The following MAK variants were observed in gnomAD, a reference collection of about 807,000 sequenced individuals.
The protein encoded by MAK is male germ cell associated kinase, also known as serine/threonine-protein kinase MAK.
MAK carries 65 observed loss-of-function variants against 82.6 expected under a neutral mutation model. That is an observed-to-expected ratio of 0.79 (90% CI 0.64 to 0.97). MAK has a LOEUF of 0.97. Among genes scored for constraint, MAK ranks in the 50% least tolerant of loss-of-function variants. The pLI, the probability that MAK is intolerant of heterozygous loss-of-function variation, is 0.00. For missense variants in MAK, 703 were observed against 780.2 expected (o/e 0.90, Z 1.18); for synonymous variants, 250 against 274.2 (o/e 0.91, Z 0.87).
chr6:10,787,339 G>C (rs1774655615), intron 10 of MAK, among the ~76,000 whole-genome samples: 1 of 152,230 alleles, frequency 6.6e-6, no homozygotes, highest in Non-Finnish European at 1.5e-5. Flanking sequence ...GGGTAGAAGA[G>C]AGAAAGACCT....
Position 10,779,084 on chromosome 6 carries a change from T to C in MAK, c.1466-3625A>G, listed in dbSNP as rs538533518. ...TGGAGGTTGCAGTGAGCTGAGGTGG[T>C]ACCACTGCACTCCAGCCTGGGCAAC... On this transcript the variant is annotated intron_variant, in intron 11 of 14. Transcript: ENST00000354489. Among the ~76,000 whole-genome samples the C allele has an allele frequency of 1.3e-4, 16 of 126,802 alleles. No individual in the cohort carries two copies. In the East Asian group the frequency reaches 3.2e-3, roughly 26 times the overall value. The allele number at this position is 126,802 out of a possible 152,430, so 83.2% of individuals were successfully genotyped here. A position where few individuals can be genotyped will look rare whatever the true frequency, so the allele number is the denominator to read the frequency against.
Position 10,774,920 on chromosome 6 carries a change from G to A in MAK, c.1597+408C>T, listed in dbSNP as rs1192283969. Among the ~76,000 whole-genome samples, 5 of 152,348 alleles carry A rather than the reference G, an allele frequency of 3.3e-5. No homozygotes were observed. In the East Asian group the frequency reaches 9.6e-4, roughly 29 times the overall value. On this transcript the variant is annotated intron_variant, in intron 12 of 14. Transcript: ENST00000354489. ...ACCCATTTCAGGAAAGATTCAGATG[G>A]AGGTCGAGAATTCCCTTAAAACTAG...
intron 1 of MAK, among the ~76,000 whole-genome samples, chr6:10,834,731 C>T (rs1779042368): frequency 6.6e-6 from 1 of 151,380 alleles, no homozygotes; most frequent in African/African-American, 2.4e-5. Context: ...GACCTTAGAA[C>T]TTGAATGGTT....
chr6:10,813,112 A>T (rs1172739566), intron 5 of MAK, among the ~76,000 whole-genome samples: 111 of 2,404 alleles, frequency 0.046, 18 homozygotes, highest in East Asian at 0.12. Context: ...ATATATATAT[A>T]TATATATATA....
chr6:10,813,132 ATAAATTTTTTTTT>A (rs1777169291), intron 5 of MAK, among the ~76,000 whole-genome samples: 5 of 762 alleles, frequency 6.6e-3, no homozygotes, highest in African/African-American at 0.015. Context: ...ATATATATAT[ATAAATTTTTTTTT>A]TTTTTTTTTT....
In MAK at chr6:10,782,189, G is replaced by A. The variant is rs1357908636; in HGVS notation, c.1465+2235C>T. The stretch of plus-strand genomic sequence containing the variant: ...GCCACTACACTCCAGCCTGGGCAAC[G>A]AGTGAAACTCTGTCACACACACACA... On this transcript the variant is annotated intron_variant, in intron 11 of 14. Coordinates refer to ENST00000354489, the MANE Select transcript of MAK (RefSeq NM_001242957.3). Among the ~76,000 whole-genome samples the A allele has an allele frequency of 6.0e-5, 9 of 149,148 alleles. No homozygotes were observed. The South Asian group carries it at 6.4e-4, about 11-fold the overall frequency.
intron 11 of MAK, among the ~76,000 whole-genome samples, chr6:10,782,208 A>T (rs1200938686): frequency 0.073 from 61 of 832 alleles, no homozygotes; most frequent in African/African-American, 0.13. Flanking sequence ...TCTGTCACAC[A>T]CACACACACA....
Position 10,766,567 on chromosome 6 carries a change from C to T in MAK, c.1793-1961G>A, listed in dbSNP as rs992651504. 2.0e-5 allele frequency among the ~76,000 whole-genome samples: 3 copies of T among 152,228 alleles called. No homozygotes were observed. In the East Asian group the frequency reaches 5.8e-4, roughly 29 times the overall value. ...GGGCCAGTCAGGGCACCATGTTTTCCAGAAAGAGCCCTTTAGTTATAGCCA... is the reference window on the plus strand; with the variant it reads ...GGGCCAGTCAGGGCACCATGTTTTCTAGAAAGAGCCCTTTAGTTATAGCCA... On this transcript the variant is annotated intron_variant, in intron 14 of 14. Coordinates refer to ENST00000354489, the MANE Select transcript of MAK (RefSeq NM_001242957.3).
chr6:10,775,237 T>C (rs1773360718), intron 12 of MAK, 91 bp downstream of exon 12: 1 of 1,447,870 alleles, frequency 6.9e-7, no homozygotes, highest in South Asian at 1.1e-5. Flanking sequence ...AGTGCACATG[T>C]ATCTTGGTTG....
At chr6:10,798,170 T>A (rs1775720569) in intron 8 of MAK, among the ~76,000 whole-genome samples, 1 of 144,046 alleles carries the variant, frequency 6.9e-6, no homozygotes, top group African/African-American at 2.7e-5. Context: ...CAGACTGGAG[T>A]GCAGTGGCAC....
chr6:10,791,604 A>C (rs1044994309), intron 10 of MAK, 71 bp downstream of exon 10: 3 of 1,411,196 alleles, frequency 2.1e-6, no homozygotes, highest in East Asian at 2.3e-5. Context: ...GTCTACATGC[A>C]TTTATATTTA....
chr6:10,797,828 A>G (rs1775682736), intron 8 of MAK: 2 of 1,282,276 alleles, frequency 1.6e-6, no homozygotes, highest in Non-Finnish European at 2.0e-6. Flanking sequence ...AACTTAACCA[A>G]CCTCTCTCCC....
chr6:10,764,226 C>G lies in MAK; in HGVS notation c.*226G>C. On this transcript the variant is annotated 3_prime_UTR_variant, in exon 15 of 15. Transcript: ENST00000354489. ...ACTTTGGCAAATAGTTTATTCAATA[C>G]TTTGTAACATCCTACCCATATATCA... 1 of 520,462 alleles carries G rather than the reference C, an allele frequency of 1.9e-6. No individual in the cohort carries two copies. Among genetic ancestry groups the G allele is most frequent in the Non-Finnish European group, 3.4e-6 (1 of 293,712 alleles). The allele number at this position is 520,462 out of a possible 1,614,324, so 32.2% of individuals were successfully genotyped here. A position where few individuals can be genotyped will look rare whatever the true frequency, so the allele number is the denominator to read the frequency against.
chr6:10,770,738 A>G (rs900816400), intron 13 of MAK, among the ~76,000 whole-genome samples: 1 of 152,214 alleles, frequency 6.6e-6, no homozygotes, highest in East Asian at 1.9e-4. Context: ...GTCAGCTAGC[A>G]TAATTGCCAT....
rs1235656039 is a variant in MAK at position 10,800,319 on chromosome 6, GTATTA to G, written c.831+1568_831+1572del. ...GTATTTTTCTTGTGTTTCTGTAGGAGTATTATATTAAGAATTAAAAATAATTTTCT... is the reference window on the plus strand; with the variant it reads ...GTATTTTTCTTGTGTTTCTGTAGGAGTATTAAGAATTAAAAATAATTTTCT... On this transcript the variant is annotated intron_variant, in intron 8 of 14. Coordinates refer to ENST00000354489, the MANE Select transcript of MAK (RefSeq NM_001242957.3). This position sits in a 1 kb window ranked among gnomAD's most constrained non-coding sequence, Gnocchi z 4.2. 2.0e-5 allele frequency among the ~76,000 whole-genome samples: 3 copies of G among 151,650 alleles called. No individual in the cohort carries two copies. The highest frequency in any genetic ancestry group is 4.4e-5 in the Non-Finnish European group (3 of 67,936).
chr6:10,826,339 C>A (rs998189436), intron 2 of MAK, among the ~76,000 whole-genome samples: 4 of 149,730 alleles, frequency 2.7e-5, no homozygotes, highest in African/African-American at 9.9e-5. Context: ...CTTATCTAGG[C>A]TCCCACAGGA....
chr6:10,783,418 T>G (rs1774183802), intron 11 of MAK, among the ~76,000 whole-genome samples: 1 of 152,122 alleles, frequency 6.6e-6, no homozygotes, highest in African/African-American at 2.4e-5. Context: ...CATTCTCTAC[T>G]TCCACAATCT....
intron 5 of MAK, among the ~76,000 whole-genome samples, chr6:10,813,136 A>ATATATATT (rs1561987243): frequency 1.4e-3 from 1 of 726 alleles, no homozygotes; most frequent in South Asian, 0.1. Context: ...ATATATATAA[A>ATATATATT]TTTTTTTTTT....
At chr6:10,787,669 T>A (rs1032932180) in intron 10 of MAK, among the ~76,000 whole-genome samples, 1 of 151,926 alleles carries the variant, frequency 6.6e-6, no homozygotes, top group African/African-American at 2.4e-5. Flanking sequence ...CCATCCTGGC[T>A]AACATGGTGA....
Sources: allele counts gnomAD v4.1 joint callset (sites outside exome capture counted in the v4.1 genomes callset), GRCh38; gene constraint gnomAD v4.1.1; non-coding constraint Gnocchi (gnomAD v3.1); transcripts MANE v1.5; gene names NCBI Gene and HGNC (gene_info 2026-07-23, HGNC 2026-07-21).